ANAPC11: variants seen among roughly 807,000 people sequenced by gnomAD.
ANAPC11 encodes anaphase-promoting complex subunit 11.
A neutral mutation model predicts 11.8 loss-of-function variants in ANAPC11; 5 were observed. The ratio of observed to expected loss-of-function variants is 0.42; its 90% CI spans 0.22 to 0.89. The LOEUF is 0.89. Among genes scored for constraint, ANAPC11 ranks in the 40% least tolerant of loss-of-function variants. The probability of loss-of-function intolerance (pLI) is 0.28; values close to 1 mark genes in which losing one functional copy is unlikely to be tolerated. For missense variants in ANAPC11, 68 were observed against 112.9 expected (o/e 0.60, Z 1.80); for synonymous variants, 45 against 41.0 (o/e 1.10, Z -0.38).
intron 3 of ANAPC11, among the ~76,000 whole-genome samples, chr17:81,895,216 G>A (rs1360345337): frequency 1.3e-5 from 2 of 151,830 alleles, no homozygotes; most frequent in Admixed American, 6.6e-5. Flanking sequence ...CACTACACCC[G>A]GCTAATTTTG....
At chr17:81,890,907 T>C, upstream of ANAPC11, 1 of 1,575,236 alleles carries the variant, frequency 6.3e-7, no homozygotes, top group South Asian at 1.1e-5. Flanking sequence ...ACCCTTCCTC[T>C]TCCCGGCCTG....
chr17:81,891,579 A>T, upstream of ANAPC11: 1 of 1,411,664 alleles, frequency 7.1e-7, no homozygotes, highest in South Asian at 1.3e-5. Flanking sequence ...GGAATCGGGC[A>T]TCGGCTCGAG....
intron 3 of ANAPC11, among the ~76,000 whole-genome samples, chr17:81,895,346 C>T (rs1322742723): frequency 1.3e-5 from 2 of 152,140 alleles, no homozygotes; most frequent in East Asian, 1.9e-4. Flanking sequence ...CCACCGTGCC[C>T]CCCCCAACAT....
At chr17:81,900,451 T>C (rs1434394190), downstream of ANAPC11, 1 of 261,682 alleles carries the variant, frequency 3.8e-6, no homozygotes, top group East Asian at 1.4e-4. Flanking sequence ...TCTTGCCTGC[T>C]GGATTGCCGG....
At chr17:81,891,109 G>C (rs546718665), upstream of ANAPC11, 185 of 656,068 alleles carry the variant, frequency 2.8e-4, 1 homozygote, top group African/African-American at 3.1e-3. Flanking sequence ...ACAAAGAGCT[G>C]GGAAGGGTCT....
chr17:81,897,672 C>G (rs2039789719), intron 3 of ANAPC11, among the ~76,000 whole-genome samples: 1 of 152,034 alleles, frequency 6.6e-6, no homozygotes, highest in Non-Finnish European at 1.5e-5. Flanking sequence ...TTTGTAGAGA[C>G]AGGGTTTTGC....
rs189454676 is a variant in ANAPC11, at chr17:81,900,228, G to A, written c.*163G>A. On this transcript the variant is annotated 3_prime_UTR_variant, in exon 4 of 4. Transcript: ENST00000344877. ...ATGTTGACACTTTTATCCAATAAGTGAAAACTCATTAAACTACTCAAATCT... is the reference window on the plus strand; with the variant it reads ...ATGTTGACACTTTTATCCAATAAGTAAAAACTCATTAAACTACTCAAATCT... 2.3e-5 allele frequency: 27 copies of A among 1,159,420 alleles called. No individual in the cohort carries two copies. In the African/African-American group the frequency reaches 3.9e-4, roughly 17 times the overall value. The allele number at this position is 1,159,420 out of a possible 1,614,324, so 71.8% of individuals were successfully genotyped here.
At chr17:81,891,076 C>T (rs1361168939), upstream of ANAPC11, 4 of 669,760 alleles carry the variant, frequency 6.0e-6, no homozygotes, top group Non-Finnish European at 9.7e-6. Context: ...TCTCCTGCCA[C>T]GAGGCCCCAA....
At position 81,894,606 on chromosome 17, in the gene ANAPC11, T is replaced by A. The variant is rs748980092; in HGVS notation, c.109+20T>A. The A allele has an allele frequency of 6.4e-7, 1 of 1,560,856 alleles. No homozygotes were observed. Among genetic ancestry groups the A allele is most frequent in the Non-Finnish European group, 8.8e-7 (1 of 1,139,806 alleles). On this transcript the variant is annotated intron_variant, in intron 3 of 3. Coordinates refer to ENST00000344877, the MANE Select transcript of ANAPC11 (RefSeq NM_001002248.3). ...CTGACTGTGAGTGTCCCCTCCATGC[T>A]GTCTGAGCGGCCCCGACTGTGAGTG...
upstream of ANAPC11, chr17:81,891,644 T>A (rs1362758985): frequency 1.5e-6 from 2 of 1,294,536 alleles, no homozygotes; most frequent in East Asian, 8.5e-5. Flanking sequence ...GGCCTTCCGG[T>A]GCCACGGCCT....
rs767273965 is a variant in ANAPC11, at chr17:81,899,945, G to A, written c.135G>A (p.Pro45=). ...PDCKVPGDDC[P]LVWGQCSHCF... is the part of the protein sequence containing the mutation. ...GCAAGGTGCCCGGCGACGACTGCCC[G>A]CTGGTGTGGGGCCAGTGCTCCCACT... Residue 45 remains proline (P), a synonymous_variant, in exon 4 of 4, where the codon CCG becomes CCA. Coordinates refer to ENST00000344877, the MANE Select transcript of ANAPC11 (RefSeq NM_001002248.3). 37 of 1,610,310 alleles carry A rather than the reference G, an allele frequency of 2.3e-5. No homozygotes were observed. Among genetic ancestry groups the A allele is most frequent in the African/African-American group, 5.3e-5 (4 of 74,864 alleles).
At chr17:81,900,510 G>A, downstream of ANAPC11, 1 of 224,168 alleles carries the variant, frequency 4.5e-6, no homozygotes, top group Non-Finnish European at 8.9e-6. Context: ...GACCCTGGCT[G>A]TGCAAAGCTG....
intron 3 of ANAPC11, 50 bp from the exon 4 acceptor site, chr17:81,899,870 C>T (rs762509673): frequency 1.3e-6 from 2 of 1,564,404 alleles, no homozygotes; most frequent in Non-Finnish European, 1.7e-6. Context: ...GTCACATGCT[C>T]TGTGTCCAGC....
At chr17:81,891,474 C>A, upstream of ANAPC11, 1 of 1,147,758 alleles carries the variant, frequency 8.7e-7, no homozygotes, top group South Asian at 2.4e-5. Flanking sequence ...GGCCCGGCCG[C>A]GGCCCCGGCC....
At chr17:81,891,466 C>A, upstream of ANAPC11, 1 of 1,110,092 alleles carries the variant, frequency 9.0e-7, no homozygotes, top group Non-Finnish European at 1.1e-6. Flanking sequence ...TGGGAGCCGG[C>A]CCGGCCGCGG....
intron 3 of ANAPC11, chr17:81,894,862 C>T: frequency 2.7e-6 from 1 of 363,724 alleles, no homozygotes; most frequent in East Asian, 4.3e-5. Flanking sequence ...GGATTACAGG[C>T]ATGTGCCACC....
chr17:81,897,917 G>T (rs988939458), intron 3 of ANAPC11, among the ~76,000 whole-genome samples: 1 of 152,122 alleles, frequency 6.6e-6, no homozygotes, highest in African/African-American at 2.4e-5. Flanking sequence ...CGCCTGGCCC[G>T]TACAAATACT....
upstream of ANAPC11, chr17:81,891,577 G>C (rs1205967474): frequency 1.4e-6 from 2 of 1,423,572 alleles, no homozygotes; most frequent in Non-Finnish European, 1.8e-6. Flanking sequence ...GCGGAATCGG[G>C]CATCGGCTCG....
chr17:81,891,575 G>T (rs1287840836), upstream of ANAPC11: 3 of 1,434,088 alleles, frequency 2.1e-6, no homozygotes, highest in Non-Finnish European at 2.7e-6. Context: ...GCGCGGAATC[G>T]GGCATCGGCT....
Sources: gnomAD v4.1 joint callset for allele counts (sites outside exome capture counted in the v4.1 genomes callset) on GRCh38, gnomAD v4.1.1 for gene constraint, MANE v1.5 for transcripts, NCBI Gene and HGNC (gene_info 2026-07-23, HGNC 2026-07-21) for gene names.